The following TBC1D12 variants were observed in gnomAD, a reference collection of about 807,000 sequenced individuals.
The protein encoded by TBC1D12 is TBC1 domain family, member 12.
TBC1D12 carries 56 observed loss-of-function variants against 86.7 expected under a neutral mutation model. That is an observed-to-expected ratio of 0.65 (90% CI 0.52 to 0.81). The LOEUF is 0.81. Among genes scored for constraint, TBC1D12 ranks in the 30% least tolerant of loss-of-function variants. TBC1D12 has a pLI of 0.00. For missense variants in TBC1D12, 1,023 were observed against 1,038.8 expected, an observed-to-expected ratio of 0.98 and a Z score of 0.21; for synonymous variants, 421 against 411.7, an observed-to-expected ratio of 1.02 and a Z score of -0.27.
At chr10:94,428,467 T>C (rs1250075185) in intron 1 of TBC1D12, among the ~76,000 whole-genome samples, 1 of 149,972 alleles carries the variant, frequency 6.7e-6, no homozygotes, top group Non-Finnish European at 1.5e-5. Context: ...TTTATACTTT[T>C]TGTGGAAATG....
At chr10:94,484,637 A>G (rs1057179211) in intron 3 of TBC1D12, among the ~76,000 whole-genome samples, 6 of 152,148 alleles carry the variant, frequency 3.9e-5, no homozygotes, top group African/African-American at 1.4e-4. Flanking sequence ...TGTGAAGAAT[A>G]TCATTGGTAT....
intron 1 of TBC1D12, among the ~76,000 whole-genome samples, chr10:94,431,292 G>T: frequency 6.6e-6 from 1 of 151,930 alleles, no homozygotes; most frequent in Non-Finnish European, 1.5e-5. Context: ...GCACGCACCT[G>T]TAATCCCAGC....
At chr10:94,442,491 G>A (rs913627783) in intron 2 of TBC1D12, among the ~76,000 whole-genome samples, 1 of 152,180 alleles carries the variant, frequency 6.6e-6, no homozygotes, top group African/African-American at 2.4e-5. Flanking sequence ...CAAGGACTTT[G>A]TAAATGAGAA....
rs367696898 is a variant in TBC1D12, at chr10:94,402,973, G to A, written c.360G>A (p.Ala120=). The A allele has an allele frequency of 2.9e-5, 45 of 1,575,862 alleles. No individual in the cohort carries two copies. The African/African-American group carries it at 6.2e-4, about 22-fold the overall frequency. Reference sequence around the variant, plus strand: ...GCTCGGGCTCCAAACACCGCGGCGCGGAGGTGGCTGATGGCCGCGCGCCGC... The same window carrying A: ...GCTCGGGCTCCAAACACCGCGGCGCAGAGGTGGCTGATGGCCGCGCGCCGC... ...LLGSGSKHRG[A]EVADGRAPRH... Residue 120 remains alanine (A), a synonymous_variant, in exon 1 of 13, where the codon GCG becomes GCA. Transcript: ENST00000225235.
At chr10:94,492,156 TAATCTC>T (rs1247088154) in intron 3 of TBC1D12, among the ~76,000 whole-genome samples, 1 of 152,154 alleles carries the variant, frequency 6.6e-6, no homozygotes, top group Non-Finnish European at 1.5e-5. Context: ...TGGGTTAACT[TAATCTC>T]AATTAAATTA....
intron 1 of TBC1D12, among the ~76,000 whole-genome samples, chr10:94,428,984 C>T (rs530450168): frequency 1.6e-4 from 24 of 152,166 alleles, no homozygotes; most frequent in Admixed American, 1.3e-3. Flanking sequence ...GCATTACAGA[C>T]GTGAGTCATC....
chr10:94,495,430 A>G (rs2056302597), intron 4 of TBC1D12, among the ~76,000 whole-genome samples: 1 of 152,210 alleles, frequency 6.6e-6, no homozygotes, highest in South Asian at 2.1e-4. Context: ...GGGCCTCCCA[A>G]GAGCGTTGAG....
chr10:94,404,642 G>A (rs1293464401), intron 1 of TBC1D12, among the ~76,000 whole-genome samples: 1 of 124,992 alleles, frequency 8.0e-6, no homozygotes, highest in African/African-American at 2.9e-5. Flanking sequence ...GCGAAACTCC[G>A]TCTTTCAAAA....
chr10:94,515,883 C>T (rs1201949255), intron 9 of TBC1D12, among the ~76,000 whole-genome samples: 4 of 150,194 alleles, frequency 2.7e-5, no homozygotes, highest in Admixed American at 2.0e-4. Flanking sequence ...ATCTTATAAC[C>T]GAGATGGCTA....
At chr10:94,475,435 A>T (rs1266502496) in intron 3 of TBC1D12, among the ~76,000 whole-genome samples, 6 of 151,930 alleles carry the variant, frequency 3.9e-5, no homozygotes, top group Admixed American at 2.0e-4. Context: ...ATTTATTTTT[A>T]ATTTTTTATT....
chr10:94,485,094 T>C (rs574195101), intron 3 of TBC1D12, among the ~76,000 whole-genome samples: 4 of 152,338 alleles, frequency 2.6e-5, no homozygotes, highest in Non-Finnish European at 5.9e-5. Context: ...TATTTCCTTC[T>C]CTTGTCTGAT....
intron 1 of TBC1D12, among the ~76,000 whole-genome samples, chr10:94,420,787 G>A (rs556871309): frequency 5.1e-4 from 78 of 152,220 alleles, no homozygotes; most frequent in African/African-American, 1.7e-3. Context: ...GGTGGTTTCC[G>A]TCTTTTGGTT....
chr10:94,423,705 G>A (rs34402112), intron 1 of TBC1D12, among the ~76,000 whole-genome samples: 31,183 of 151,788 alleles, frequency 0.21, 3,358 homozygotes, highest in South Asian at 0.35. Context: ...AAACTTGGGG[G>A]GTCTGCTTGT....
intron 3 of TBC1D12, among the ~76,000 whole-genome samples, chr10:94,492,741 G>T (rs529720121): frequency 6.6e-6 from 1 of 152,290 alleles, no homozygotes; most frequent in South Asian, 2.1e-4. Context: ...ATCAAAGAAA[G>T]AATTTTGTGA....
In TBC1D12 at chr10:94,402,929, T is replaced by C. The variant is rs1564930444; in HGVS notation, c.316T>C (p.Ser106Pro). The C allele has an allele frequency of 1.0e-5, 16 of 1,536,860 alleles. No homozygotes were observed. Among genetic ancestry groups the C allele is most frequent in the Non-Finnish European group, 1.4e-5 (16 of 1,146,658 alleles). The change falls in exon 1 of 13, where the codon TCG becomes CCG. Residue 106 changes from serine to proline, a missense_variant. Coordinates refer to ENST00000225235, the MANE Select transcript of TBC1D12 (RefSeq NM_015188.2). ...GAPPPSAAPRSDACLLGSGSK... is the reference protein window; with the variant it reads ...GAPPPSAAPRPDACLLGSGSK... ...CCCGCCGCCCTCGGCAGCCCCACGATCGGACGCCTGCCTGCTGGGCTCGGG... is the reference window on the plus strand; with the variant it reads ...CCCGCCGCCCTCGGCAGCCCCACGACCGGACGCCTGCCTGCTGGGCTCGGG...
chr10:94,456,279 TTTC>T (rs2055626240), intron 2 of TBC1D12, among the ~76,000 whole-genome samples: 1 of 152,294 alleles, frequency 6.6e-6, no homozygotes, highest in South Asian at 2.1e-4. Context: ...ATTTTAGATC[TTTC>T]TTCTTTTCTC....
At chr10:94,444,842 C>T (rs2055434877) in intron 2 of TBC1D12, among the ~76,000 whole-genome samples, 2 of 151,280 alleles carry the variant, frequency 1.3e-5, no homozygotes, top group South Asian at 4.2e-4. Flanking sequence ...CGCCGTTCTC[C>T]TGCCTCAGCC....
intron 11 of TBC1D12, 106 bp downstream of exon 11, chr10:94,522,559 A>G: frequency 1.9e-6 from 1 of 522,000 alleles, no homozygotes; most frequent in Non-Finnish European, 3.3e-6. Context: ...TTTTACATAT[A>G]AAGAGCCTTC....
chr10:94,519,044 C>A (rs547156657), intron 9 of TBC1D12, among the ~76,000 whole-genome samples: 10 of 152,228 alleles, frequency 6.6e-5, no homozygotes, highest in South Asian at 2.1e-4. Context: ...CACTGCACTC[C>A]AGCCTGGACG....
Sources: gnomAD v4.1 joint callset for allele counts (sites outside exome capture counted in the v4.1 genomes callset) on GRCh38, gnomAD v4.1.1 for gene constraint, MANE v1.5 for transcripts, NCBI Gene and HGNC (gene_info 2026-07-23, HGNC 2026-07-21) for gene names.